Variants in FRAS1 observed in about 807,000 individuals in gnomAD.
FRAS1 encodes Fraser extracellular matrix complex subunit 1, also known as extracellular matrix organizing protein FRAS1.
FRAS1 carries 290 observed loss-of-function variants against 435.2 expected under a neutral mutation model. The observed-to-expected ratio is 0.67, with a 90% confidence interval of 0.61 to 0.73. FRAS1 has a LOEUF of 0.73. Among genes scored for constraint, FRAS1 ranks in the 30% least tolerant of loss-of-function variants. FRAS1 has a pLI of 0.00. For synonymous variants in FRAS1, 1,800 were observed against 1,851.0 expected (o/e 0.97, Z 0.71); for missense variants, 4,860 against 5,001.5 (o/e 0.97, Z 0.85).
chr4:78,249,810 G>A lies in FRAS1; in HGVS notation c.310-2582G>A, dbSNP rs192952643. Among the ~76,000 whole-genome samples the A allele has an allele frequency of 3.3e-5, 5 of 152,218 alleles. No individual in the cohort carries two copies. The East Asian group carries it at 9.7e-4, about 29-fold the overall frequency. On this transcript the variant is annotated intron_variant, in intron 4 of 73. Transcript: ENST00000512123. The stretch of plus-strand genomic sequence containing the variant: ...CAACTTTGGTGATTGGCAGGCTGTT[G>A]TTATAATTAATTTTTCTGGTCTCTG...
intron 2 of FRAS1, among the ~76,000 whole-genome samples, chr4:78,122,943 G>A (rs1036491020): frequency 6.6e-6 from 1 of 152,064 alleles, no homozygotes; most frequent in African/African-American, 2.4e-5. Flanking sequence ...TCACTCTGAT[G>A]GTAGTTTCTT....
At chr4:78,461,738 C>T (rs1000522331) in intron 47 of FRAS1, among the ~76,000 whole-genome samples, 1 of 152,162 alleles carries the variant, frequency 6.6e-6, no homozygotes, top group African/African-American at 2.4e-5. Flanking sequence ...CCAGGTATTT[C>T]GCTCCTAGAG....
intron 38 of FRAS1, among the ~76,000 whole-genome samples, chr4:78,435,043 T>C (rs1734362023): frequency 6.6e-6 from 1 of 151,984 alleles, no homozygotes; most frequent in African/African-American, 2.4e-5. Context: ...GATTCTAAAA[T>C]ATGTAAGAAA....
intron 22 of FRAS1, among the ~76,000 whole-genome samples, chr4:78,365,091 T>C (rs1271488037): frequency 6.6e-6 from 1 of 152,222 alleles, no homozygotes; most frequent in Non-Finnish European, 1.5e-5. Context: ...AACGATTATT[T>C]TGTTTTTATC....
intron 66 of FRAS1, among the ~76,000 whole-genome samples, chr4:78,518,450 A>ATATATATT (rs1487744216): frequency 3.0e-3 from 207 of 69,292 alleles, no homozygotes; most frequent in Middle Eastern, 9.3e-3. Context: ...ATATATATAT[A>ATATATATT]TATTTATTTA....
chr4:78,342,332 A>G (rs1309774550), intron 20 of FRAS1, among the ~76,000 whole-genome samples: 1 of 152,256 alleles, frequency 6.6e-6, no homozygotes, highest in Non-Finnish European at 1.5e-5. Context: ...GAGCAGGTCC[A>G]GTAACCTCAG....
intron 59 of FRAS1, among the ~76,000 whole-genome samples, chr4:78,492,858 G>C (rs1230711232): frequency 6.6e-6 from 1 of 152,220 alleles, no homozygotes; most frequent in African/African-American, 2.4e-5. Context: ...ACTATCATCA[G>C]AGTGAACAGG....
chr4:78,380,118 C>T (rs1731956568), intron 27 of FRAS1, 122 bp downstream of exon 27: 5 of 1,052,786 alleles, frequency 4.7e-6, no homozygotes, highest in Non-Finnish European at 2.7e-6. Context: ...AAGATCAATA[C>T]TCCACAAGCC....
intron 20 of FRAS1, among the ~76,000 whole-genome samples, chr4:78,347,897 C>A (rs552979384): frequency 6.6e-6 from 1 of 151,664 alleles, no homozygotes; most frequent in South Asian, 2.1e-4. Flanking sequence ...AGCTGACTTG[C>A]CATAAATGTT....
intron 2 of FRAS1, among the ~76,000 whole-genome samples, chr4:78,167,954 T>C (rs569881339): frequency 3.3e-5 from 5 of 152,232 alleles, no homozygotes; most frequent in East Asian, 1.9e-4. Context: ...TGCCTTCTTA[T>C]ATAATTTTAT....
intron 2 of FRAS1, among the ~76,000 whole-genome samples, chr4:78,088,502 C>T (rs11098037): frequency 0.67 from 101,558 of 151,586 alleles, 35,379 homozygotes; most frequent in East Asian, 0.88. Context: ...ACCTACAGAA[C>T]GGGAGAAAAT....
intron 14 of FRAS1, among the ~76,000 whole-genome samples, chr4:78,302,501 A>C (rs1301100733): frequency 6.6e-6 from 1 of 152,070 alleles, no homozygotes; most frequent in Non-Finnish European, 1.5e-5. Context: ...GTTTCTCCAC[A>C]TCCTCTCCAG....
chr4:78,444,783 G>A (rs1477808097), intron 41 of FRAS1, among the ~76,000 whole-genome samples: 1 of 152,164 alleles, frequency 6.6e-6, no homozygotes, highest in African/African-American at 2.4e-5. Context: ...CATTTTCTGT[G>A]GAGCTCTGAA....
chr4:78,406,839 G>A (rs1031480332), intron 30 of FRAS1, among the ~76,000 whole-genome samples: 1 of 152,132 alleles, frequency 6.6e-6, no homozygotes, highest in African/African-American at 2.4e-5. Context: ...TCCACTGTTA[G>A]CTATTACAAG....
intron 71 of FRAS1, 148 bp from the exon 72 acceptor site, chr4:78,536,847 T>A: frequency 1.7e-6 from 1 of 586,580 alleles, no homozygotes; most frequent in Non-Finnish European, 3.0e-6. Context: ...AATGAATGAG[T>A]ATTTTAGGGG....
intron 2 of FRAS1, among the ~76,000 whole-genome samples, chr4:78,097,037 T>C (rs1384628143): frequency 2.0e-5 from 3 of 152,234 alleles, no homozygotes; most frequent in Non-Finnish European, 4.4e-5. Context: ...ACTCACATCT[T>C]TAATGCTTTG....
chr4:78,364,542 C>G (rs933504091), intron 22 of FRAS1, among the ~76,000 whole-genome samples: 2 of 151,976 alleles, frequency 1.3e-5, no homozygotes, highest in Non-Finnish European at 2.9e-5. Context: ...CCATTTCTGC[C>G]CAAACAGTAG....
intron 2 of FRAS1, among the ~76,000 whole-genome samples, chr4:78,077,644 C>T (rs1438652644): frequency 2.0e-5 from 3 of 152,120 alleles, no homozygotes; most frequent in African/African-American, 4.8e-5. Context: ...CACTCTACAT[C>T]CATGTGTACA....
intron 2 of FRAS1, among the ~76,000 whole-genome samples, chr4:78,097,578 T>G (rs1741874335): frequency 6.6e-6 from 1 of 152,214 alleles, no homozygotes; most frequent in Admixed American, 6.5e-5. Context: ...ACATCTTACA[T>G]GGATGGCAGC....
Sources: allele counts gnomAD v4.1 joint callset (sites outside exome capture counted in the v4.1 genomes callset), GRCh38; gene constraint gnomAD v4.1.1; transcripts MANE v1.5; gene names NCBI Gene and HGNC (gene_info 2026-07-23, HGNC 2026-07-21).